FAM89A: variants seen among roughly 807,000 people sequenced by gnomAD.
The protein encoded by FAM89A is protein FAM89A.
In FAM89A, 10 loss-of-function variants were observed where a neutral mutation model predicts 7.1. The observed-to-expected ratio is 1.40, with a 90% confidence interval of 0.86 to 2.38. FAM89A has a LOEUF of 2.38. Ranked by LOEUF, FAM89A falls within the 30% of genes most tolerant of loss-of-function variation. The pLI is 0.00. For synonymous variants in FAM89A, 157 were observed against 129.3 expected (o/e 1.21, Z -1.45); for missense variants, 276 against 262.8 (o/e 1.05, Z -0.35).
intron 1 of FAM89A, among the ~76,000 whole-genome samples, chr1:231,035,789 G>C (rs538883829): frequency 6.6e-6 from 1 of 152,244 alleles, no homozygotes. Context: ...TATAGAACGG[G>C]GTCTGCAGTA....
At chr1:231,039,815 A>C in intron 1 of FAM89A, 106 bp downstream of exon 1, 1 of 1,134,728 alleles carries the variant, frequency 8.8e-7, no homozygotes, top group Non-Finnish European at 1.1e-6. Context: ...GGAGCCCGAA[A>C]GGGCGGGTGG....
chr1:231,021,383 G>C (rs1306311361), intron 1 of FAM89A, among the ~76,000 whole-genome samples: 2 of 150,436 alleles, frequency 1.3e-5, no homozygotes, highest in African/African-American at 4.8e-5. Context: ...AGCTCTCCTG[G>C]GCGGCTGGAG....
At chr1:231,033,500 C>A (rs889710621) in intron 1 of FAM89A, among the ~76,000 whole-genome samples, 1 of 152,166 alleles carries the variant, frequency 6.6e-6, no homozygotes, top group African/African-American at 2.4e-5. Flanking sequence ...GCCCACCTGG[C>A]CTCAGGGGGC....
intron 1 of FAM89A, among the ~76,000 whole-genome samples, chr1:231,033,828 G>T (rs981596732): frequency 6.6e-6 from 1 of 152,016 alleles, no homozygotes; most frequent in Non-Finnish European, 1.5e-5. Flanking sequence ...TTCAAATCTC[G>T]GGAGAAGAAC....
At chr1:231,026,535 G>A (rs1679974218) in intron 1 of FAM89A, 1 of 152,168 alleles carries the variant, frequency 6.6e-6, no homozygotes, top group African/African-American at 2.4e-5. Context: ...CATCCAAACA[G>A]ATCTAATTTA....
In FAM89A at chr1:231,039,996, G is replaced by A; in HGVS notation, c.216C>T (p.Gly72=). ...CGGGCAGCGCTGCCGCCCGGGCCCC[G>A]CCGCCGCCCGGGCCCCCGCGGCTCA... The part of the protein sequence containing the change: ...DELSRGGPGG[G]GARAAALPAK... The change falls in exon 1 of 2, where the codon GGC becomes GGT. Residue 72 remains glycine, a synonymous_variant. Coordinates refer to ENST00000366654, the MANE Select transcript of FAM89A (RefSeq NM_198552.3). The A allele has an allele frequency of 2.2e-6, 3 of 1,386,932 alleles. No homozygotes were observed. The highest frequency in any genetic ancestry group is 2.8e-6 in the Non-Finnish European group (3 of 1,077,464). The allele number at this position is 1,386,932 out of a possible 1,614,324, so 85.9% of individuals were successfully genotyped here.
In FAM89A at chr1:231,019,181, T is replaced by TC. The variant is rs2103068346; in HGVS notation, c.*681_*682insG. The stretch of plus-strand genomic sequence containing the variant: ...TTGCCCCAGTTTTTGTGTTCTTTTT[T>TC]TTTTTTTCACTATTCAACATGTCTT... On this transcript the variant is annotated 3_prime_UTR_variant, in exon 2 of 2. Transcript: ENST00000366654. The TC allele has an allele frequency of 6.6e-6, 1 of 151,564 alleles. No individual in the cohort carries two copies. Among genetic ancestry groups the TC allele is most frequent in the South Asian group, 2.1e-4 (1 of 4,784 alleles). 9.4% of individuals were successfully genotyped at this position (151,564 alleles called of 1,614,324 possible). A position where few individuals can be genotyped will look rare whatever the true frequency, so the allele number is the denominator to read the frequency against.
At chr1:231,024,977 T>C (rs36004821) in intron 1 of FAM89A, among the ~76,000 whole-genome samples, 94,933 of 143,618 alleles carry the variant, frequency 0.66, 31,543 homozygotes, top group Admixed American at 0.7. Context: ...GGCTGGAGTG[T>C]AGTGGTGTAA....
At chr1:231,023,908 C>T (rs1679919516) in intron 1 of FAM89A, among the ~76,000 whole-genome samples, 1 of 152,114 alleles carries the variant, frequency 6.6e-6, no homozygotes, top group Non-Finnish European at 1.5e-5. Flanking sequence ...TATGGTAACA[C>T]CCATTTTAAA....
At chr1:231,031,109 CAAT>C (rs138693629) in intron 1 of FAM89A, among the ~76,000 whole-genome samples, 61,949 of 150,250 alleles carry the variant, frequency 0.41, 15,060 homozygotes, top group Non-Finnish European at 0.54. Context: ...GACTCTGTCT[CAAT>C]AATAATAATA....
intron 1 of FAM89A, among the ~76,000 whole-genome samples, chr1:231,030,505 G>A (rs1251488508): frequency 6.6e-6 from 1 of 152,154 alleles, no homozygotes; most frequent in African/African-American, 2.4e-5. Context: ...TACAAACTAA[G>A]CCCATTTCCT....
intron 1 of FAM89A, among the ~76,000 whole-genome samples, chr1:231,027,423 CG>C (rs1164749985): frequency 6.6e-6 from 1 of 152,144 alleles, no homozygotes; most frequent in Non-Finnish European, 1.5e-5. Context: ...AAAGTTCAGA[CG>C]GATTTAACAA....
Position 231,019,748 on chromosome 1 carries a change from C to A in FAM89A, c.*115G>T, listed in dbSNP as rs1679836376. On this transcript the variant is annotated 3_prime_UTR_variant, in exon 2 of 2. Coordinates refer to ENST00000366654, the MANE Select transcript of FAM89A (RefSeq NM_198552.3). ...CAAATGAAACTGGTAGCGCTCATCCCCTGTGCCCGAGGACCGTCCACAACG... is the reference window on the plus strand; with the variant it reads ...CAAATGAAACTGGTAGCGCTCATCCACTGTGCCCGAGGACCGTCCACAACG... 8.6e-7 allele frequency: 1 copy of A among 1,164,542 alleles called. No homozygotes were observed. Among genetic ancestry groups the A allele is most frequent in the Admixed American group, 2.6e-5 (1 of 38,278 alleles). The allele number at this position is 1,164,542 out of a possible 1,614,324, so 72.1% of individuals were successfully genotyped here.
chr1:231,021,702 T>A, intron 1 of FAM89A: 1 of 1,591,026 alleles, frequency 6.3e-7, no homozygotes, highest in Non-Finnish European at 8.6e-7. Flanking sequence ...GAGATTTCCT[T>A]GGAAGCAGAA....
chr1:231,040,235 C>A lies in FAM89A; in HGVS notation c.-24G>T. 9.7e-7 allele frequency: 1 copy of A among 1,034,196 alleles called. No homozygotes were observed. Among genetic ancestry groups the A allele is most frequent in the Non-Finnish European group, 1.2e-6 (1 of 863,916 alleles). 64.1% of individuals were successfully genotyped at this position (1,034,196 alleles called of 1,614,324 possible). ...ATCGCGCCGCGGCCCGGCCACGCGC[C>A]TGCCCCGCTGCAGCGAACCAAGGCT... On this transcript the variant is annotated 5_prime_UTR_variant, in exon 1 of 2. The change creates a new upstream start codon in the 5' untranslated region. Transcript: ENST00000366654.
chr1:231,019,703 C>T lies in FAM89A; in HGVS notation c.*160G>A, dbSNP rs1014018481. On this transcript the variant is annotated 3_prime_UTR_variant, in exon 2 of 2. Coordinates refer to ENST00000366654, the MANE Select transcript of FAM89A (RefSeq NM_198552.3). Reference sequence around the variant, plus strand: ...TCAAAGCAGACTGCCACCATGCATCCGCGGAGAACTCCCTGCCTACAAATG... The same window carrying T: ...TCAAAGCAGACTGCCACCATGCATCTGCGGAGAACTCCCTGCCTACAAATG... 2.0e-5 allele frequency: 15 copies of T among 764,036 alleles called. No individual in the cohort carries two copies. Among genetic ancestry groups the T allele is most frequent in the Middle Eastern group, 3.8e-4 (1 of 2,604 alleles). 47.3% of individuals were successfully genotyped at this position (764,036 alleles called of 1,614,324 possible). A position where few individuals can be genotyped will look rare whatever the true frequency, so the allele number is the denominator to read the frequency against.
At chr1:231,032,065 A>G (rs1017042633) in intron 1 of FAM89A, among the ~76,000 whole-genome samples, 4 of 152,232 alleles carry the variant, frequency 2.6e-5, no homozygotes, top group African/African-American at 9.6e-5. Context: ...AAAGTGATTC[A>G]ATTTGGACTA....
At chr1:231,022,492 C>T (rs907748554) in intron 1 of FAM89A, among the ~76,000 whole-genome samples, 3 of 152,086 alleles carry the variant, frequency 2.0e-5, no homozygotes, top group Non-Finnish European at 4.4e-5. Flanking sequence ...AGAAATTTTC[C>T]GTTTGGAAAG....
Position 231,020,050 on chromosome 1 carries a change from C to T in FAM89A, c.368G>A (p.Gly123Glu). ...SLYESIQEYKGACQAASSPDC... is the reference protein window; with the variant it reads ...SLYESIQEYKEACQAASSPDC... ...TGGGCTGGAGGCTGCCTGGCATGCC[C>T]CCTTGTACTCCTGAATCGACTCGTA... Residue 123 changes from glycine (G) to glutamate (E), a missense_variant, in exon 2 of 2, where the codon GGG (glycine) becomes GAG (glutamate). Coordinates refer to ENST00000366654, the MANE Select transcript of FAM89A (RefSeq NM_198552.3). 6.2e-7 allele frequency: 1 copy of T among 1,614,112 alleles called. No homozygotes were observed. Among genetic ancestry groups the T allele is most frequent in the South Asian group, 1.1e-5 (1 of 91,066 alleles).
Sources: allele counts gnomAD v4.1 joint callset (sites outside exome capture counted in the v4.1 genomes callset), GRCh38; gene constraint gnomAD v4.1.1; transcripts MANE v1.5; gene names NCBI Gene and HGNC (gene_info 2026-07-23, HGNC 2026-07-21).